HDAC4: variants seen among roughly 807,000 people sequenced by gnomAD.
HDAC4 encodes histone deacetylase A.
HDAC4 carries 16 observed loss-of-function variants against 135.1 expected under a neutral mutation model. The ratio of observed to expected loss-of-function variants is 0.12; its 90% confidence interval spans 0.08 to 0.18. HDAC4 has a LOEUF of 0.18. Among genes scored for constraint, HDAC4 ranks in the 10% least tolerant of loss-of-function variants. The pLI, the probability that HDAC4 is intolerant of heterozygous loss-of-function variation, is 1.00. For missense variants in HDAC4, 1,143 were observed against 1,511.8 expected (o/e 0.76, Z 4.05); for synonymous variants, 685 against 653.4 (o/e 1.05, Z -0.74).
At chr2:239,363,106 C>T (rs924617895) in intron 1 of HDAC4, among the ~76,000 whole-genome samples, 17 of 152,082 alleles carry the variant, frequency 1.1e-4, no homozygotes, top group Admixed American at 2.0e-4. Context: ...TATCAAGAGA[C>T]GTAGAAGAAT....
In HDAC4 at chr2:239,052,025, T is replaced by G. The variant is rs559129250; in HGVS notation, c.*1072A>C. ...TGCTACTTGCTTTTAATAAAAAGCA[T>G]TCCGATCGTAACACTGCAAGTGTGC... is the stretch of plus-strand genomic sequence containing the variant. On this transcript the variant is annotated 3_prime_UTR_variant, in exon 27 of 27. Transcript: ENST00000543185. 1.3e-5 allele frequency: 2 copies of G among 152,560 alleles called. No individual in the cohort carries two copies. Among genetic ancestry groups the G allele is most frequent in the African/African-American group, 2.4e-5 (1 of 41,434 alleles). 9.5% of individuals were successfully genotyped at this position (152,560 alleles called of 1,614,324 possible).
chr2:239,133,768 G>C (rs886387507), intron 11 of HDAC4, among the ~76,000 whole-genome samples: 2 of 152,164 alleles, frequency 1.3e-5, no homozygotes, highest in African/African-American at 4.8e-5. Context: ...TGTCCGGCCG[G>C]TGTGCCCTCA....
At chr2:239,234,797 T>G (rs1158660304) in intron 3 of HDAC4, among the ~76,000 whole-genome samples, 1 of 152,176 alleles carries the variant, frequency 6.6e-6, no homozygotes, top group Non-Finnish European at 1.5e-5. Context: ...CAGGGTGCGC[T>G]TCCCAAGCCA....
chr2:239,388,595 C>A (rs1695988185), intron 1 of HDAC4, among the ~76,000 whole-genome samples: 1 of 152,190 alleles, frequency 6.6e-6, no homozygotes, highest in South Asian at 2.1e-4. Flanking sequence ...CTGGAAGGAC[C>A]ACCCTCTGGG....
intron 1 of HDAC4, among the ~76,000 whole-genome samples, chr2:239,393,377 T>C (rs1239584683): frequency 1.3e-5 from 2 of 152,146 alleles, no homozygotes; most frequent in African/African-American, 4.8e-5. Context: ...AAACTCTCCA[T>C]TAAATGCAAG....
At chr2:239,092,539 C>G (rs2036615889) in intron 17 of HDAC4, among the ~76,000 whole-genome samples, 1 of 152,238 alleles carries the variant, frequency 6.6e-6, no homozygotes, top group Middle Eastern at 3.2e-3. Context: ...CTCGGTCTAC[C>G]AGGTGCCTGT....
intron 24 of HDAC4, among the ~76,000 whole-genome samples, chr2:239,062,089 A>C (rs1004457855): frequency 3.3e-5 from 5 of 152,258 alleles, no homozygotes; most frequent in African/African-American, 1.2e-4. Flanking sequence ...GCCCATCTAC[A>C]CTGCAACATG....
At chr2:239,131,950 C>T (rs2040614271) in intron 11 of HDAC4, among the ~76,000 whole-genome samples, 1 of 152,140 alleles carries the variant, frequency 6.6e-6, no homozygotes, top group Non-Finnish European at 1.5e-5. Context: ...GGAGGACAGA[C>T]CGGAGGGGAG....
At chr2:239,338,333 C>T (rs940880509) in intron 2 of HDAC4, among the ~76,000 whole-genome samples, 2 of 152,122 alleles carry the variant, frequency 1.3e-5, no homozygotes, top group African/African-American at 4.8e-5. Context: ...CAGCGGCAGC[C>T]TCTACTCGTT....
intron 17 of HDAC4, among the ~76,000 whole-genome samples, chr2:239,093,630 C>T (rs1473184653): frequency 6.6e-6 from 1 of 152,250 alleles, no homozygotes; most frequent in East Asian, 1.9e-4. Context: ...CCCTCTCTGC[C>T]CGCGTCCACG....
intron 1 of HDAC4, among the ~76,000 whole-genome samples, chr2:239,363,034 C>T (rs975975070): frequency 1.3e-5 from 2 of 152,076 alleles, no homozygotes; most frequent in African/African-American, 4.8e-5. Flanking sequence ...ACAAAATAAG[C>T]TTTGAAAACA....
chr2:239,219,376 AC>A (rs1195442659), intron 3 of HDAC4, among the ~76,000 whole-genome samples: 2 of 151,410 alleles, frequency 1.3e-5, no homozygotes, highest in African/African-American at 4.9e-5. Context: ...AGGACAAAAA[AC>A]CAAACACAGC....
At chr2:239,152,292 CAG>C (rs2042164149) in intron 7 of HDAC4, among the ~76,000 whole-genome samples, 1 of 152,218 alleles carries the variant, frequency 6.6e-6, no homozygotes, top group Non-Finnish European at 1.5e-5. Context: ...ATGTCCATGA[CAG>C]TGATCCACAC....
chr2:239,270,695 T>C lies in HDAC4; in HGVS notation c.23-34031A>G, dbSNP rs1575576754. On this transcript the variant is annotated intron_variant, in intron 2 of 26. Coordinates refer to ENST00000543185, the MANE Select transcript of HDAC4 (RefSeq NM_001378414.1). ...TCTTACATGCACTAACAGGGAACTA[T>C]CTGACATTTCTGAAATCATTAAACC... Among the ~76,000 whole-genome samples the C allele has an allele frequency of 2.0e-5, 3 of 152,348 alleles. 1 individual carries two copies. Among genetic ancestry groups the C allele is most frequent in the Non-Finnish European group, 1.5e-5 (1 of 68,034 alleles).
intron 2 of HDAC4, among the ~76,000 whole-genome samples, chr2:239,266,768 G>T (rs1575566932): frequency 6.6e-6 from 1 of 151,980 alleles, no homozygotes; most frequent in African/African-American, 2.4e-5. Flanking sequence ...CTTGTAAAGT[G>T]GAAGAGGCTC....
rs1441940273 is a variant in HDAC4 at position 239,094,090 on chromosome 2, C to T, written c.2280+920G>A. 8 of 985,480 alleles carry T rather than the reference C, an allele frequency of 8.1e-6. No individual in the cohort carries two copies. In the Admixed American group the frequency reaches 1.8e-4, roughly 23 times the overall value. The allele number at this position is 985,480 out of a possible 1,614,324, so 61.0% of individuals were successfully genotyped here. A position where few individuals can be genotyped will look rare whatever the true frequency, so the allele number is the denominator to read the frequency against. On this transcript the variant is annotated intron_variant, in intron 17 of 26. Transcript: ENST00000543185. ...GCGATCAGTGATTACACACACACTG[C>T]ACCGTTTCGGCTGCAGCGGCTCCTG...
chr2:239,150,216 CACACAGAT>C (rs2042023584), intron 7 of HDAC4, among the ~76,000 whole-genome samples: 1 of 151,970 alleles, frequency 6.6e-6, no homozygotes, highest in Admixed American at 6.6e-5. Context: ...CACACACAGA[CACACAGAT>C]ACACACACAG....
intron 4 of HDAC4, among the ~76,000 whole-genome samples, chr2:239,185,985 G>C (rs981147807): frequency 6.6e-6 from 1 of 152,148 alleles, no homozygotes; most frequent in East Asian, 1.9e-4. Context: ...AGTGAACTGA[G>C]ATGGCACCAA....
At chr2:239,380,135 G>A (rs1172309237) in intron 1 of HDAC4, among the ~76,000 whole-genome samples, 2 of 152,226 alleles carry the variant, frequency 1.3e-5, no homozygotes, top group Non-Finnish European at 2.9e-5. Context: ...CATGAGGCTC[G>A]ATTCATTCAG....
Sources: allele counts gnomAD v4.1 joint callset (sites outside exome capture counted in the v4.1 genomes callset), GRCh38; gene constraint gnomAD v4.1.1; transcripts MANE v1.5; gene names NCBI Gene and HGNC (gene_info 2026-07-23, HGNC 2026-07-21).